Variants in TNKS observed in about 807,000 individuals in gnomAD.
The protein encoded by TNKS is poly [ADP-ribose] polymerase tankyrase-1.
Under a neutral mutation model 135.8 loss-of-function variants are expected in TNKS, and 72 were observed. The observed-to-expected ratio is 0.53, with a 90% confidence interval of 0.44 to 0.64. TNKS has a LOEUF of 0.64. TNKS is among the 30% of genes least tolerant of loss of function. TNKS has a pLI of 0.00. For missense variants in TNKS, 1,769 were observed against 1,674.0 expected (o/e 1.06, Z -0.99); for synonymous variants, 849 against 649.3 (o/e 1.31, Z -4.68).
chr8:9,563,252 A>C (rs1314741183), intron 1 of TNKS, among the ~76,000 whole-genome samples: 1 of 152,084 alleles, frequency 6.6e-6, no homozygotes, highest in Non-Finnish European at 1.5e-5. Context: ...AACCCCTGAT[A>C]ACTGTCACTT....
intron 3 of TNKS, among the ~76,000 whole-genome samples, chr8:9,627,213 C>T (rs1374486501): frequency 2.3e-4 from 35 of 152,328 alleles, no homozygotes; most frequent in Non-Finnish European, 4.4e-5. Context: ...CGCCTCTCCC[C>T]CTTCCCATCC....
chr8:9,600,260 A>G (rs1395876503), intron 2 of TNKS, among the ~76,000 whole-genome samples: 1 of 152,176 alleles, frequency 6.6e-6, no homozygotes, highest in African/African-American at 2.4e-5. Flanking sequence ...GCATATTGCC[A>G]TGGCAGACTT....
At chr8:9,579,553 C>G (rs544745349) in intron 1 of TNKS, among the ~76,000 whole-genome samples, 1 of 152,298 alleles carries the variant, frequency 6.6e-6, no homozygotes, top group East Asian at 1.9e-4. Context: ...ACTGCCATCT[C>G]TGCCTCCCAG....
chr8:9,733,468 A>C (rs1198179547), intron 15 of TNKS, 24 bp downstream of exon 15: 3 of 1,574,644 alleles, frequency 1.9e-6, no homozygotes, highest in Non-Finnish European at 2.6e-6. Flanking sequence ...AAAGTTATGA[A>C]ATATAACTAA....
intron 14 of TNKS, among the ~76,000 whole-genome samples, chr8:9,732,497 C>A (rs1805493618): frequency 6.6e-6 from 1 of 151,138 alleles, no homozygotes; most frequent in Non-Finnish European, 1.5e-5. Context: ...ATGAATATTT[C>A]AAACTGTTTC....
intron 1 of TNKS, among the ~76,000 whole-genome samples, chr8:9,577,910 T>C (rs1287300951): frequency 1.3e-5 from 2 of 152,166 alleles, no homozygotes; most frequent in Non-Finnish European, 2.9e-5. Context: ...AGTTACAAGA[T>C]ACAGTGGGCG....
chr8:9,694,217 T>TTC (rs894141543), intron 5 of TNKS, among the ~76,000 whole-genome samples: 2 of 152,212 alleles, frequency 1.3e-5, no homozygotes, highest in African/African-American at 4.8e-5. Context: ...TTGTCCTCTC[T>TTC]TGACCTTTAG....
rs71201974 is a variant in TNKS at position 9,772,831 on chromosome 8, C to CTGTGTG, written c.3897+2593_3897+2598dup. On this transcript the variant is annotated intron_variant, in intron 26 of 26. Transcript: ENST00000310430. ...TGTTTGTGTGTGTGTGTGTGTGTGT[C>CTGTGTG]TGTGTGTGTGTGTGTGTGTGTGTGT... 5.1e-3 allele frequency among the ~76,000 whole-genome samples: 605 copies of CTGTGTG among 119,106 alleles called. 2 individuals carry two copies. Among genetic ancestry groups the CTGTGTG allele is most frequent in the East Asian group, 6.6e-3 (26 of 3,920 alleles). 78.1% of individuals were successfully genotyped at this position (119,106 alleles called of 152,430 possible). A position where few individuals can be genotyped will look rare whatever the true frequency, so the allele number is the denominator to read the frequency against.
rs138597025 is a variant in TNKS, at chr8:9,573,014, G to A, written c.674-7145G>A. The stretch of plus-strand genomic sequence containing the variant: ...ACTGATAATACTTAAGATAGGGAAA[G>A]TAATATTTATGTTATATGTATATAT... On this transcript the variant is annotated intron_variant, in intron 1 of 26. Coordinates refer to ENST00000310430, the MANE Select transcript of TNKS (RefSeq NM_003747.3). Among the ~76,000 whole-genome samples, 260 of 148,278 alleles carry A rather than the reference G, an allele frequency of 1.8e-3. 2 individuals carry two copies. Among genetic ancestry groups the A allele is most frequent in the African/African-American group, 6.5e-3 (258 of 39,936 alleles).
At chr8:9,569,836 T>C (rs1230089559) in intron 1 of TNKS, among the ~76,000 whole-genome samples, 1 of 152,192 alleles carries the variant, frequency 6.6e-6, no homozygotes, top group Non-Finnish European at 1.5e-5. Context: ...TTTGTTAAAG[T>C]CATTGTGAAT....
chr8:9,747,356 T>G (rs1275190773), intron 17 of TNKS, among the ~76,000 whole-genome samples: 1 of 152,022 alleles, frequency 6.6e-6, no homozygotes, highest in Admixed American at 6.6e-5. Context: ...TTTCAAAATT[T>G]CTCAGATTTA....
intron 1 of TNKS, among the ~76,000 whole-genome samples, chr8:9,574,095 G>T (rs898288705): frequency 6.6e-6 from 1 of 152,200 alleles, no homozygotes; most frequent in Non-Finnish European, 1.5e-5. Context: ...GTTAGGCTAT[G>T]TGTTAGGAAT....
In TNKS at chr8:9,680,706, ACTTACTAC is replaced by A. The variant is rs1802746046; in HGVS notation, c.1032-15_1032-8del. ...AAGCTTTGTAATTTTAGAGGAATTG[ACTTACTAC>A]CTTTTTATAGGAGTGGTAATGAAGA... On this transcript the variant is annotated splice_polypyrimidine_tract_variant and intron_variant, in intron 4 of 26. Coordinates refer to ENST00000310430, the MANE Select transcript of TNKS (RefSeq NM_003747.3). The A allele has an allele frequency of 6.4e-7, 1 of 1,565,502 alleles. No homozygotes were observed. The highest frequency in any genetic ancestry group is 1.4e-5 in the African/African-American group (1 of 73,964).
intron 1 of TNKS, chr8:9,566,218 C>G (rs947920032): frequency 2.0e-5 from 3 of 151,966 alleles, no homozygotes; most frequent in African/African-American, 4.8e-5. Context: ...CTATTTTTTT[C>G]TAATGTCTTG....
At chr8:9,774,676 C>G (rs1287093329) in intron 26 of TNKS, among the ~76,000 whole-genome samples, 1 of 152,080 alleles carries the variant, frequency 6.6e-6, no homozygotes, top group Non-Finnish European at 1.5e-5. Context: ...AATTCAGTAG[C>G]CTAATCATTA....
intron 3 of TNKS, among the ~76,000 whole-genome samples, chr8:9,650,577 A>G (rs2128780910): frequency 6.6e-6 from 1 of 152,100 alleles, no homozygotes; most frequent in African/African-American, 2.4e-5. Context: ...AATGTTGAGC[A>G]TTTTTTCATA....
intron 3 of TNKS, among the ~76,000 whole-genome samples, chr8:9,640,388 G>C (rs1291180733): frequency 1.4e-5 from 2 of 145,960 alleles, no homozygotes; most frequent in Admixed American, 1.4e-4. Context: ...CAATACTGTT[G>C]CACTGGGGAT....
chr8:9,688,056 C>T (rs958794993), intron 5 of TNKS, among the ~76,000 whole-genome samples: 16 of 152,110 alleles, frequency 1.1e-4, no homozygotes, highest in Non-Finnish European at 4.4e-5. Context: ...TTGCCGATGT[C>T]CCATTTCTCC....
intron 1 of TNKS, among the ~76,000 whole-genome samples, chr8:9,574,439 T>C (rs951930378): frequency 3.9e-5 from 6 of 152,212 alleles, no homozygotes; most frequent in South Asian, 4.1e-4. Context: ...CAACCCACTA[T>C]CGGTTCTTGC....
Sources: allele counts gnomAD v4.1 joint callset (sites outside exome capture counted in the v4.1 genomes callset), GRCh38; gene constraint gnomAD v4.1.1; transcripts MANE v1.5; gene names NCBI Gene and HGNC (gene_info 2026-07-23, HGNC 2026-07-21).